PAX9: variants seen among roughly 807,000 people sequenced by gnomAD.
PAX9 encodes paired box protein Pax-9.
PAX9 carries 6 observed loss-of-function variants against 29.1 expected under a neutral mutation model. That is an observed-to-expected ratio of 0.21 (90% CI 0.11 to 0.41). The LOEUF (loss-of-function observed/expected upper bound fraction) is 0.41, where lower values mean the gene tolerates loss of function less well. Ranked by LOEUF, PAX9 falls within the 10% of genes least tolerant of loss-of-function variation. The pLI is 1.00. For missense variants in PAX9, 443 were observed against 479.1 expected (o/e 0.92, Z 0.70); for synonymous variants, 217 against 211.7 (o/e 1.03, Z -0.22).
intron 1 of PAX9, chr14:36,662,582 G>T: frequency 8.3e-6 from 4 of 484,246 alleles, no homozygotes; most frequent in Middle Eastern, 1.1e-3. Context: ...GAAGGAGCAC[G>T]TTCAGGCGTC....
At position 36,678,609 on chromosome 14, in the gene PAX9, A is replaced by G; in HGVS notation, c.*2157A>G. The G allele has an allele frequency of 3.7e-6, 5 of 1,364,194 alleles. No homozygotes were observed. The highest frequency in any genetic ancestry group is 4.7e-6 in the Non-Finnish European group (5 of 1,056,118). The allele number at this position is 1,364,194 out of a possible 1,614,324, so 84.5% of individuals were successfully genotyped here. On this transcript the variant is annotated 3_prime_UTR_variant, in exon 4 of 4. Transcript: ENST00000361487. ...CATCTGAAAAACTGATGTAAGGTAC[A>G]GAACTATTCTTTATCAAATGTTTTT...
intron 3 of PAX9, among the ~76,000 whole-genome samples, chr14:36,670,748 T>C (rs1881668075): frequency 6.6e-6 from 1 of 152,016 alleles, no homozygotes; most frequent in Admixed American, 6.5e-5. Flanking sequence ...TTGTATAAAA[T>C]AGCAGGGAAA....
upstream of PAX9, among the ~76,000 whole-genome samples, chr14:36,658,132 C>A (rs916572173): frequency 6.6e-6 from 1 of 152,146 alleles, no homozygotes; most frequent in Admixed American, 6.5e-5. Context: ...GCTTACCCTG[C>A]AAGACGGGGA....
intron 3 of PAX9, chr14:36,670,937 T>C (rs1343611342): frequency 1.1e-5 from 3 of 266,802 alleles, no homozygotes; most frequent in African/African-American, 2.3e-5. Context: ...TTTATAACCA[T>C]CATTTCATTT....
At chr14:36,662,793 C>G (rs1395890504) in intron 1 of PAX9, 104 bp from the exon 2 acceptor site, 1 of 1,388,410 alleles carries the variant, frequency 7.2e-7, no homozygotes, top group Non-Finnish European at 1.0e-6. Context: ...TAGTAGGGGA[C>G]GGGTGCGTTC....
chr14:36,666,427 G>T, intron 2 of PAX9, 35 bp from the exon 3 acceptor site: 1 of 1,601,366 alleles, frequency 6.2e-7, no homozygotes, highest in African/African-American at 1.3e-5. Context: ...CGCGGGCTGG[G>T]CCTCCGGCCT....
chr14:36,673,475 A>G (rs1443852548), intron 3 of PAX9, among the ~76,000 whole-genome samples: 1 of 151,852 alleles, frequency 6.6e-6, no homozygotes, highest in African/African-American at 2.4e-5. Flanking sequence ...CCTAAATTCC[A>G]GGAACATTAT....
chr14:36,665,015 C>A (rs1362981852), intron 2 of PAX9, among the ~76,000 whole-genome samples: 1 of 151,988 alleles, frequency 6.6e-6, no homozygotes, highest in African/African-American at 2.4e-5. Flanking sequence ...AGGGGGATCT[C>A]AATTTCTTAA....
At chr14:36,663,650 G>A in intron 2 of PAX9, 127 bp downstream of exon 2, 4 of 1,225,898 alleles carry the variant, frequency 3.3e-6, no homozygotes, top group Non-Finnish European at 4.6e-6. Flanking sequence ...CTTTGGAAAC[G>A]TAAGGAGTCT....
At chr14:36,667,436 G>A (rs1594470397) in intron 3 of PAX9, among the ~76,000 whole-genome samples, 1 of 151,524 alleles carries the variant, frequency 6.6e-6, no homozygotes, top group Non-Finnish European at 1.5e-5. Flanking sequence ...TCAAAAAACC[G>A]GACCTTAAGG....
intron 3 of PAX9, among the ~76,000 whole-genome samples, chr14:36,667,164 C>G (rs951190727): frequency 6.6e-6 from 1 of 152,154 alleles, no homozygotes; most frequent in Non-Finnish European, 1.5e-5. Flanking sequence ...CCCAGATAAA[C>G]GTAACAAAGC....
In PAX9 at chr14:36,663,060, C is replaced by A; in HGVS notation, c.168C>A (p.Ile56=). 6.2e-7 allele frequency: 1 copy of A among 1,613,926 alleles called. No homozygotes were observed. The highest frequency in any genetic ancestry group is 8.5e-7 in the Non-Finnish European group (1 of 1,180,032). Reference sequence around the variant, plus strand: ...TCTCGCACGGCTGCGTCAGCAAGATCCTGGCGCGATACAACGAGACGGGCT... The same window carrying A: ...TCTCGCACGGCTGCGTCAGCAAGATACTGGCGCGATACAACGAGACGGGCT... The part of the protein sequence containing the change: ...LRVSHGCVSK[I]LARYNETGSI... Residue 56 remains isoleucine (I), a synonymous_variant, in exon 2 of 4, where the codon ATC becomes ATA. Transcript: ENST00000361487.
At chr14:36,666,174 AG>A in intron 2 of PAX9, 1 of 444,270 alleles carries the variant, frequency 2.3e-6, no homozygotes, top group Non-Finnish European at 4.1e-6. Flanking sequence ...GGGAGAGCAA[AG>A]GGGCGAAGGG....
rs766415264 is a variant in PAX9 at position 36,663,174 on chromosome 14, C to A, written c.282C>A (p.Asp94Glu). Residue 94 changes from aspartate (D) to glutamate (E), a missense_variant, in exon 2 of 4, where the codon GAC becomes GAA. By Grantham distance (45) the Asp-to-Glu change is conservative (BLOSUM62 2). Transcript: ENST00000361487. ...VKHIRTYKQR[D>E]PGIFAWEIRD... Reference sequence around the variant, plus strand: ...ACATCCGGACCTACAAGCAGAGAGACCCCGGCATCTTCGCCTGGGAGATCC... The same window carrying A: ...ACATCCGGACCTACAAGCAGAGAGAACCCGGCATCTTCGCCTGGGAGATCC... 37 of 1,613,996 alleles carry A rather than the reference C, an allele frequency of 2.3e-5. No homozygotes were observed. The highest frequency in any genetic ancestry group is 2.1e-4 in the South Asian group (19 of 91,092).
In PAX9 at chr14:36,679,351, A is replaced by C. The variant is rs1320603035; in HGVS notation, c.*2899A>C. 2 of 972,640 alleles carry C rather than the reference A, an allele frequency of 2.1e-6. No homozygotes were observed. The allele number at this position is 972,640 out of a possible 1,614,324, so 60.3% of individuals were successfully genotyped here. A position where few individuals can be genotyped will look rare whatever the true frequency, so the allele number is the denominator to read the frequency against. On this transcript the variant is annotated 3_prime_UTR_variant, in exon 4 of 4. Transcript: ENST00000361487. ...ACTTCAAATGCTCTAAATTAATAAA[A>C]AGTAATAATTACCATGTTATCTTTT...
chr14:36,674,475 A>T (rs1027750956), intron 3 of PAX9, among the ~76,000 whole-genome samples: 3 of 152,208 alleles, frequency 2.0e-5, no homozygotes, highest in Non-Finnish European at 2.9e-5. Flanking sequence ...TAAAAAGAGG[A>T]TAAGATTTCA....
chr14:36,676,301 C>G lies in PAX9; in HGVS notation c.875C>G (p.Ala292Gly), dbSNP rs745682184. 1 of 1,614,100 alleles carries G rather than the reference C, an allele frequency of 6.2e-7. No homozygotes were observed. The highest frequency in any genetic ancestry group is 1.3e-5 in the African/African-American group (1 of 74,930). ...QVSPYMTYSA[A>G]PSGYVAGHGW... ...TCGCCTTACATGACCTACAGTGCTG[C>G]TCCTTCTGGTTATGTTGCTGGACAT... Residue 292 changes from alanine to glycine, a missense_variant, in exon 4 of 4, where the codon GCT (alanine) becomes GGT (glycine). By Grantham distance (60) the Ala-to-Gly change is moderately conservative (BLOSUM62 0). Transcript: ENST00000361487.
Position 36,678,777 on chromosome 14 carries a change from A to G in PAX9, c.*2325A>G. On this transcript the variant is annotated 3_prime_UTR_variant, in exon 4 of 4. Coordinates refer to ENST00000361487, the MANE Select transcript of PAX9 (RefSeq NM_001372076.1). Reference sequence around the variant, plus strand: ...CTGGTTCTTGTATTTTAAAAAATCTAATATTAATGGTATTGAAGTTTCCTT... The same window carrying G: ...CTGGTTCTTGTATTTTAAAAAATCTGATATTAATGGTATTGAAGTTTCCTT... The G allele has an allele frequency of 3.8e-6, 4 of 1,064,022 alleles. No individual in the cohort carries two copies. The highest frequency in any genetic ancestry group is 4.6e-6 in the Non-Finnish European group (4 of 870,660). The allele number at this position is 1,064,022 out of a possible 1,614,324, so 65.9% of individuals were successfully genotyped here. A position where few individuals can be genotyped will look rare whatever the true frequency, so the allele number is the denominator to read the frequency against.
At chr14:36,663,589 A>T (rs1258725403) in intron 2 of PAX9, 66 bp downstream of exon 2, 1 of 1,588,348 alleles carries the variant, frequency 6.3e-7, no homozygotes, top group Non-Finnish European at 8.6e-7. Flanking sequence ...CGGAGGTCCC[A>T]GTATCTGCAG....
Sources: gnomAD v4.1 joint callset for allele counts (sites outside exome capture counted in the v4.1 genomes callset) on GRCh38, gnomAD v4.1.1 for gene constraint, MANE v1.5 for transcripts, NCBI Gene and HGNC (gene_info 2026-07-23, HGNC 2026-07-21) for gene names.